Variants in SFXN5 observed in about 807,000 individuals in gnomAD.
SFXN5 encodes the protein sideroflexin-5.
Under a neutral mutation model 50.2 loss-of-function variants are expected in SFXN5, and 43 were observed. The ratio of observed to expected loss-of-function variants is 0.86; its 90% CI spans 0.67 to 1.11. SFXN5 has a LOEUF of 1.11. Ranked by LOEUF, SFXN5 falls within the 50% of genes least tolerant of loss-of-function variation. SFXN5 has a pLI of 0.00. For synonymous variants in SFXN5, 203 were observed against 185.8 expected (o/e 1.09, Z -0.75); for missense variants, 463 against 454.1 (o/e 1.02, Z -0.18).
chr2:73,004,767 A>T (rs1396587088), intron 6 of SFXN5, among the ~76,000 whole-genome samples: 1 of 152,248 alleles, frequency 6.6e-6, no homozygotes, highest in Admixed American at 6.5e-5. Flanking sequence ...CCTTACAGTC[A>T]GGCGGGGACC....
intron 2 of SFXN5, among the ~76,000 whole-genome samples, chr2:73,046,639 C>G (rs1680367245): frequency 6.6e-6 from 1 of 151,936 alleles, no homozygotes; most frequent in African/African-American, 2.4e-5. Context: ...ATCACTGCCA[C>G]TGCACCCCAA....
chr2:72,998,514 T>C (rs544570147), intron 9 of SFXN5: 73 of 175,290 alleles, frequency 4.2e-4, no homozygotes, highest in Middle Eastern at 2.5e-3. Context: ...AGTAAGGCCA[T>C]AGAGAGGGAA....
intron 3 of SFXN5, among the ~76,000 whole-genome samples, chr2:73,029,857 A>C (rs1478987812): frequency 6.6e-6 from 1 of 152,150 alleles, no homozygotes; most frequent in Non-Finnish European, 1.5e-5. Context: ...AAACTGCTTG[A>C]GCTCAGGAGT....
Position 72,945,002 on chromosome 2 carries a change from C to A in SFXN5, c.*20G>T, listed in dbSNP as rs761943755. The A allele has an allele frequency of 2.8e-5, 45 of 1,611,264 alleles. No homozygotes were observed. In the East Asian group the frequency reaches 9.4e-4, roughly 34 times the overall value. ...GCTCCCCGGCTGCACAGTGCTCCGT[C>A]CCCAGGCCGCTGACCACACTCACAA... On this transcript the variant is annotated 3_prime_UTR_variant, in exon 14 of 14. Coordinates refer to ENST00000272433, the MANE Select transcript of SFXN5 (RefSeq NM_144579.3). The surrounding 1 kb of genome is among the most constrained non-coding windows in gnomAD (Gnocchi z 5.8).
At chr2:72,946,112 A>C (rs1573916039) in intron 13 of SFXN5, among the ~76,000 whole-genome samples, 2 of 88,942 alleles carry the variant, frequency 2.2e-5, no homozygotes, top group African/African-American at 4.5e-5. Context: ...ACAGGACCCC[A>C]CCTGGCTCCA....
At chr2:72,975,115 C>G (rs1283917670) in intron 10 of SFXN5, among the ~76,000 whole-genome samples, 1 of 152,216 alleles carries the variant, frequency 6.6e-6, no homozygotes, top group African/African-American at 2.4e-5. Flanking sequence ...GAGAGAAAGA[C>G]TTTGCTTCTT....
intron 6 of SFXN5, among the ~76,000 whole-genome samples, chr2:73,008,287 T>G (rs1012896840): frequency 3.9e-5 from 6 of 152,180 alleles, no homozygotes; most frequent in African/African-American, 1.4e-4. Flanking sequence ...TGGTCTGCCC[T>G]CCTTAGCACC....
chr2:72,948,267 C>T (rs1487115659), intron 13 of SFXN5, among the ~76,000 whole-genome samples: 1 of 152,198 alleles, frequency 6.6e-6, no homozygotes, highest in Non-Finnish European at 1.5e-5. Context: ...ATCCTAATCA[C>T]CCTTCAGACT....
intron 10 of SFXN5, among the ~76,000 whole-genome samples, chr2:72,984,895 T>G (rs776366328): frequency 6.6e-6 from 1 of 152,150 alleles, no homozygotes; most frequent in East Asian, 1.9e-4. Context: ...CCTCCCAGGC[T>G]TCAGGCTGGG....
At chr2:73,009,501 A>T (rs1286700822) in intron 6 of SFXN5, among the ~76,000 whole-genome samples, 2 of 152,208 alleles carry the variant, frequency 1.3e-5, no homozygotes, top group African/African-American at 4.8e-5. Flanking sequence ...GAACCTCAGG[A>T]TACAGATATC....
chr2:72,971,342 T>A (rs545384224), intron 11 of SFXN5, among the ~76,000 whole-genome samples: 1 of 149,374 alleles, frequency 6.7e-6, no homozygotes, highest in East Asian at 2.0e-4. Context: ...GGGGCTGCGA[T>A]AAGAGACAGG....
intron 10 of SFXN5, among the ~76,000 whole-genome samples, chr2:72,981,754 T>C (rs1671324490): frequency 1.3e-5 from 2 of 152,312 alleles, no homozygotes; most frequent in South Asian, 2.1e-4. Flanking sequence ...CAACCTTCCA[T>C]GGCTCCTCAA....
intron 3 of SFXN5, among the ~76,000 whole-genome samples, chr2:73,027,922 A>G (rs1201997706): frequency 6.6e-6 from 1 of 152,098 alleles, no homozygotes; most frequent in Non-Finnish European, 1.5e-5. Flanking sequence ...TCCACCTCCC[A>G]AAGTGTCAGG....
At chr2:73,060,285 G>A (rs1574267568) in intron 1 of SFXN5, among the ~76,000 whole-genome samples, 2 of 152,254 alleles carry the variant, frequency 1.3e-5, no homozygotes, top group South Asian at 4.2e-4. Context: ...AAGGATCAAC[G>A]AAGGGCAGGT....
intron 6 of SFXN5, 50 bp from the exon 7 acceptor site, chr2:73,001,628 T>C (rs1673927745): frequency 6.3e-7 from 1 of 1,590,976 alleles, no homozygotes; most frequent in Non-Finnish European, 8.6e-7. Flanking sequence ...AAACATCCTA[T>C]GCTTTTGCAA....
intron 10 of SFXN5, among the ~76,000 whole-genome samples, chr2:72,982,557 T>C (rs1225518723): frequency 6.6e-6 from 1 of 152,140 alleles, no homozygotes; most frequent in Non-Finnish European, 1.5e-5. Flanking sequence ...TGGTGGTAGA[T>C]GAGATCCAGT....
rs942924784 is a variant in SFXN5, at chr2:73,035,524, G to A, written c.249+5330C>T. 2.5e-5 allele frequency among the ~76,000 whole-genome samples: 3 copies of A among 117,692 alleles called. No homozygotes were observed. In the Admixed American group the frequency reaches 3.3e-4, roughly 13 times the overall value. 77.2% of individuals were successfully genotyped at this position (117,692 alleles called of 152,430 possible). ...TTTTTTTTTTTTTTTTTTTGAGACC[G>A]AGTCTCACTCTGTCACCCAGGCTGG... is the stretch of plus-strand genomic sequence containing the variant. On this transcript the variant is annotated intron_variant, in intron 3 of 13. Coordinates refer to ENST00000272433, the MANE Select transcript of SFXN5 (RefSeq NM_144579.3).
chr2:73,006,188 A>G (rs1290910815), intron 6 of SFXN5, among the ~76,000 whole-genome samples: 1 of 152,078 alleles, frequency 6.6e-6, no homozygotes, highest in Non-Finnish European at 1.5e-5. Flanking sequence ...CCCTGGTCCA[A>G]GGAGGAGGAC....
intron 10 of SFXN5, among the ~76,000 whole-genome samples, chr2:72,972,526 C>G (rs1670130870): frequency 6.6e-6 from 1 of 152,230 alleles, no homozygotes; most frequent in African/African-American, 2.4e-5. Context: ...AGTCTGGGGC[C>G]ACCCATTAGC....
Sources: allele counts gnomAD v4.1 joint callset (sites outside exome capture counted in the v4.1 genomes callset), GRCh38; gene constraint gnomAD v4.1.1; non-coding constraint Gnocchi (gnomAD v3.1); transcripts MANE v1.5; gene names NCBI Gene and HGNC (gene_info 2026-07-23, HGNC 2026-07-21).